KCTD16: variants seen among roughly 807,000 people sequenced by gnomAD.
KCTD16 encodes the protein BTB/POZ domain-containing protein KCTD16.
In KCTD16, 13 loss-of-function variants were observed where a neutral mutation model predicts 33.2. The ratio of observed to expected loss-of-function variants is 0.39; its 90% confidence interval spans 0.25 to 0.62. KCTD16 has a LOEUF of 0.62. Among genes scored for constraint, KCTD16 ranks in the 20% least tolerant of loss-of-function variants. KCTD16 has a pLI of 0.50. For synonymous variants in KCTD16, 197 were observed against 195.3 expected, an observed-to-expected ratio of 1.01 and a Z score of -0.07; for missense variants, 441 against 525.1, an observed-to-expected ratio of 0.84 and a Z score of 1.57.
intron 3 of KCTD16, among the ~76,000 whole-genome samples, chr5:144,394,264 A>G (rs912999375): frequency 1.3e-5 from 2 of 151,956 alleles, no homozygotes; most frequent in African/African-American, 2.4e-5. Context: ...ACTCTTTTCA[A>G]TATACTTTTT....
At chr5:144,425,287 C>T (rs1753301049) in intron 3 of KCTD16, among the ~76,000 whole-genome samples, 1 of 152,030 alleles carries the variant, frequency 6.6e-6, no homozygotes, top group Admixed American at 6.6e-5. Context: ...CCTTTGACTC[C>T]ATGTCCTGTT....
At chr5:144,374,082 C>T (rs768941145) in intron 3 of KCTD16, among the ~76,000 whole-genome samples, 2 of 152,124 alleles carry the variant, frequency 1.3e-5, no homozygotes, top group Non-Finnish European at 2.9e-5. Context: ...GGAGAATATC[C>T]CATTTCAAGT....
chr5:144,330,007 G>A (rs796337652), intron 3 of KCTD16, among the ~76,000 whole-genome samples: 8 of 152,228 alleles, frequency 5.3e-5, no homozygotes, highest in African/African-American at 1.7e-4. Context: ...AATTCACCAA[G>A]TCCATTAAAG....
At chr5:144,431,202 A>G (rs149047979) in intron 3 of KCTD16, among the ~76,000 whole-genome samples, 42 of 152,294 alleles carry the variant, frequency 2.8e-4, no homozygotes, top group African/African-American at 9.6e-4. Context: ...CTAGCAGGTA[A>G]TAGCCTACCT....
intron 3 of KCTD16, among the ~76,000 whole-genome samples, chr5:144,281,506 A>G (rs1406998236): frequency 2.0e-5 from 3 of 152,160 alleles, no homozygotes; most frequent in Non-Finnish European, 4.4e-5. Flanking sequence ...GATATTTCAG[A>G]TATTTTTCTG....
At chr5:144,252,445 C>T (rs1458497635) in intron 3 of KCTD16, among the ~76,000 whole-genome samples, 1 of 152,094 alleles carries the variant, frequency 6.6e-6, no homozygotes, top group African/African-American at 2.4e-5. Flanking sequence ...TCTTTCGATG[C>T]AAACATTTGA....
intron 3 of KCTD16, among the ~76,000 whole-genome samples, chr5:144,436,913 A>T (rs1017771754): frequency 2.6e-5 from 4 of 152,124 alleles, no homozygotes; most frequent in African/African-American, 7.2e-5. Flanking sequence ...CTTTTTAAGG[A>T]TTAAGTTTCT....
intron 3 of KCTD16, among the ~76,000 whole-genome samples, chr5:144,352,955 T>G (rs1448032085): frequency 1.3e-5 from 2 of 152,222 alleles, no homozygotes; most frequent in Non-Finnish European, 2.9e-5. Flanking sequence ...TAAATCACAT[T>G]TAATTTGATT....
intron 2 of KCTD16, among the ~76,000 whole-genome samples, chr5:144,194,690 T>C (rs1049949204): frequency 2.6e-5 from 4 of 152,206 alleles, no homozygotes; most frequent in African/African-American, 9.6e-5. Flanking sequence ...AGTACAATTA[T>C]TACCCCTGTT....
rs1754744196 is a variant in KCTD16 at position 144,483,428 on chromosome 5, TA to T, written c.*9318del. 6.6e-6 allele frequency: 1 copy of T among 151,960 alleles called. No homozygotes were observed. Among genetic ancestry groups the T allele is most frequent in the African/African-American group, 2.4e-5 (1 of 41,404 alleles). The allele number at this position is 151,960 out of a possible 1,614,324, so 9.4% of individuals were successfully genotyped here. A position where few individuals can be genotyped will look rare whatever the true frequency, so the allele number is the denominator to read the frequency against. ...TAATATGCATATTGTAAATAGATACTAAAAGTCATGGGCACATTGTAATAAT... is the reference window on the plus strand; with the variant it reads ...TAATATGCATATTGTAAATAGATACTAAAGTCATGGGCACATTGTAATAAT... On this transcript the variant is annotated 3_prime_UTR_variant, in exon 4 of 4. Transcript: ENST00000512467.
intron 3 of KCTD16, among the ~76,000 whole-genome samples, chr5:144,456,541 A>T (rs1054057007): frequency 6.6e-6 from 1 of 152,164 alleles, no homozygotes; most frequent in Non-Finnish European, 1.5e-5. Context: ...GCCATCTGAC[A>T]GTGCAATTTG....
At chr5:144,222,715 A>G (rs1246129513) in intron 3 of KCTD16, among the ~76,000 whole-genome samples, 2 of 152,236 alleles carry the variant, frequency 1.3e-5, no homozygotes, top group African/African-American at 2.4e-5. Context: ...TAGTTCAACC[A>G]TTGTGGAAGA....
intron 3 of KCTD16, among the ~76,000 whole-genome samples, chr5:144,222,303 C>T (rs1032909453): frequency 3.3e-5 from 5 of 152,030 alleles, no homozygotes; most frequent in Non-Finnish European, 7.4e-5. Flanking sequence ...TGGGCAAATA[C>T]ATTTCTATTA....
chr5:144,253,315 C>A (rs538160549), intron 3 of KCTD16, among the ~76,000 whole-genome samples: 1 of 152,168 alleles, frequency 6.6e-6, no homozygotes, highest in African/African-American at 2.4e-5. Flanking sequence ...TCTGGGCTTC[C>A]ATAAAATATC....
intron 3 of KCTD16, among the ~76,000 whole-genome samples, chr5:144,318,338 T>C (rs1580868887): frequency 6.6e-6 from 1 of 152,294 alleles, no homozygotes; most frequent in South Asian, 2.1e-4. Context: ...CAAGGTACCT[T>C]GTTCACAGTT....
chr5:144,471,585 C>T (rs911947617), intron 3 of KCTD16, among the ~76,000 whole-genome samples: 2 of 151,980 alleles, frequency 1.3e-5, no homozygotes, highest in African/African-American at 4.8e-5. Flanking sequence ...TAGGGGTTGC[C>T]GAGTTTGGGG....
intron 3 of KCTD16, among the ~76,000 whole-genome samples, chr5:144,326,223 C>G (rs549821647): frequency 6.6e-6 from 1 of 152,194 alleles, no homozygotes; most frequent in East Asian, 1.9e-4. Flanking sequence ...GGGAGGCATC[C>G]CTTCAAGAAC....
chr5:144,336,978 A>G (rs1386447144), intron 3 of KCTD16, among the ~76,000 whole-genome samples: 3 of 150,002 alleles, frequency 2.0e-5, no homozygotes, highest in African/African-American at 4.9e-5. Flanking sequence ...TTGTAGTCAT[A>G]TATATATATA....
At chr5:144,266,197 G>GT (rs1755137586) in intron 3 of KCTD16, among the ~76,000 whole-genome samples, 1 of 152,160 alleles carries the variant, frequency 6.6e-6, no homozygotes, top group Non-Finnish European at 1.5e-5. Context: ...ATGCATGCAT[G>GT]CATATATGTA....
Sources: allele counts gnomAD v4.1 joint callset (sites outside exome capture counted in the v4.1 genomes callset), GRCh38; gene constraint gnomAD v4.1.1; transcripts MANE v1.5; gene names NCBI Gene and HGNC (gene_info 2026-07-23, HGNC 2026-07-21).